The following P3H2 variants were observed in gnomAD, a reference collection of about 807,000 sequenced individuals.
P3H2 encodes prolyl 3-hydroxylase 2, also known as leprecan-like 1.
Under a neutral mutation model 87.0 loss-of-function variants are expected in P3H2, and 80 were observed. The observed-to-expected ratio is 0.92, with a 90% CI of 0.77 to 1.11. P3H2 has a LOEUF of 1.11. Ranked by LOEUF, P3H2 falls within the 50% of genes least tolerant of loss-of-function variation. The probability of loss-of-function intolerance (pLI) is 0.00; values close to 1 mark genes in which losing one functional copy is unlikely to be tolerated. For missense variants in P3H2, 1,001 were observed against 923.9 expected (o/e 1.08, Z -1.08); for synonymous variants, 367 against 359.3 (o/e 1.02, Z -0.24).
Position 189,957,663 on chromosome 3 carries a change from T to C in P3H2, c.*249A>G. ...TCACATCTGTGAATAGCCACTGCCC[T>C]ATATCCTAGACAACATGGTTAGACC... On this transcript the variant is annotated 3_prime_UTR_variant, in exon 15 of 15. Coordinates refer to ENST00000319332, the MANE Select transcript of P3H2 (RefSeq NM_018192.4). 2 of 537,948 alleles carry C rather than the reference T, an allele frequency of 3.7e-6. No homozygotes were observed. Among genetic ancestry groups the C allele is most frequent in the Non-Finnish European group, 6.6e-6 (2 of 301,596 alleles). 33.3% of individuals were successfully genotyped at this position (537,948 alleles called of 1,614,324 possible).
At chr3:190,017,494 G>T (rs1458338609) in intron 1 of P3H2, among the ~76,000 whole-genome samples, 1 of 152,190 alleles carries the variant, frequency 6.6e-6, no homozygotes, top group Admixed American at 6.5e-5. Context: ...AAATATATTT[G>T]ACTCCTGACA....
At chr3:190,099,257 C>A (rs1711535922) in intron 1 of P3H2, among the ~76,000 whole-genome samples, 1 of 152,144 alleles carries the variant, frequency 6.6e-6, no homozygotes, top group South Asian at 2.1e-4. Flanking sequence ...AAACTTCTGG[C>A]AAAACTTCAT....
chr3:190,016,131 T>A (rs1335293284), intron 1 of P3H2, among the ~76,000 whole-genome samples: 1 of 152,270 alleles, frequency 6.6e-6, no homozygotes, highest in African/African-American at 2.4e-5. Flanking sequence ...ATATCACTGA[T>A]GGGATTTTCC....
intron 1 of P3H2, among the ~76,000 whole-genome samples, chr3:190,075,928 C>CT (rs1386851551): frequency 2.0e-5 from 3 of 152,100 alleles, no homozygotes; most frequent in Non-Finnish European, 4.4e-5. Flanking sequence ...ACAACTAACA[C>CT]TTTTTTCTGC....
At chr3:189,968,869 G>A (rs1723082553) in intron 13 of P3H2, among the ~76,000 whole-genome samples, 1 of 152,114 alleles carries the variant, frequency 6.6e-6, no homozygotes, top group Non-Finnish European at 1.5e-5. Context: ...TTTTTCATAT[G>A]TTTGTTGGCC....
chr3:189,994,305 AAAACAAACAAACAAAC>A (rs3836444), intron 2 of P3H2, 22 bp from the exon 3 acceptor site: 1 of 1,221,858 alleles, frequency 8.2e-7, no homozygotes, highest in Non-Finnish European at 1.2e-6. Context: ...CAGACGGGAA[AAAACAAACAAACAAAC>A]AAACAAACAA....
At chr3:190,024,890 C>A (rs28548421) in intron 1 of P3H2, among the ~76,000 whole-genome samples, 2,588 of 152,174 alleles carry the variant, frequency 0.017, 82 homozygotes, top group African/African-American at 0.06. Context: ...TAAATGGAAA[C>A]CCTTCTCCAC....
chr3:189,972,587 A>G (rs533720937), intron 11 of P3H2, among the ~76,000 whole-genome samples: 1 of 152,296 alleles, frequency 6.6e-6, no homozygotes, highest in East Asian at 1.9e-4. Flanking sequence ...GATTCCTCAA[A>G]ATGGGAAACC....
At chr3:189,987,732 G>A (rs1723751782) in intron 4 of P3H2, 63 bp from the exon 5 acceptor site, 2 of 1,604,870 alleles carry the variant, frequency 1.2e-6, no homozygotes. Flanking sequence ...ATTTTAAAGG[G>A]AGGCCATCAA....
chr3:190,102,537 TGTTA>T (rs1305434773), intron 1 of P3H2, among the ~76,000 whole-genome samples: 1 of 152,240 alleles, frequency 6.6e-6, no homozygotes. Flanking sequence ...GAGCCTGAGA[TGTTA>T]GTTAATTACT....
intron 1 of P3H2, among the ~76,000 whole-genome samples, chr3:190,038,231 G>T (rs1725485649): frequency 1.4e-5 from 1 of 69,504 alleles, no homozygotes; most frequent in South Asian, 6.1e-4. Context: ...GCAAGACTAG[G>T]TTTAAAAAAA....
chr3:190,027,418 G>A (rs764728936), intron 1 of P3H2, among the ~76,000 whole-genome samples: 18 of 152,144 alleles, frequency 1.2e-4, no homozygotes, highest in Non-Finnish European at 1.5e-4. Context: ...CTTAACCCAC[G>A]TGAGGGACAG....
chr3:190,120,619 G>T lies in P3H2; in HGVS notation c.113C>A (p.Pro38His). The change falls in exon 1 of 15, where the codon CCC (proline) becomes CAC (histidine). Residue 38 changes from proline to histidine, a missense_variant. Transcript: ENST00000319332. Reference sequence around the variant, plus strand: ...CAGGTCGAAGGGCTGCAGAGGCCCGGGCTCCAGCTCCAGCTCCCGGCGTGG... The same window carrying T: ...CAGGTCGAAGGGCTGCAGAGGCCCGTGCTCCAGCTCCAGCTCCCGGCGTGG... ...DSPRRELELE[P>H]GPLQPFDLLY... 6.5e-7 allele frequency: 1 copy of T among 1,537,840 alleles called. No homozygotes were observed.
chr3:189,963,465 GAC>G (rs915207681), intron 14 of P3H2: 1 of 157,326 alleles, frequency 6.4e-6, no homozygotes, highest in African/African-American at 2.4e-5. Flanking sequence ...TTTGTTTTGA[GAC>G]AGAGTCTTGC....
chr3:189,993,820 CATTA>C (rs1181735649), intron 3 of P3H2, among the ~76,000 whole-genome samples: 3 of 151,798 alleles, frequency 2.0e-5, no homozygotes, highest in African/African-American at 7.3e-5. Flanking sequence ...AGTTGAAAAA[CATTA>C]TATATAGTAT....
At chr3:189,958,100 A>G in intron 14 of P3H2, 96 bp from the exon 15 acceptor site, 2 of 846,778 alleles carry the variant, frequency 2.4e-6, no homozygotes, top group Non-Finnish European at 2.0e-6. Flanking sequence ...CCATCTGTAC[A>G]TGGGTTGATG....
chr3:190,060,669 C>T (rs1377800024), intron 1 of P3H2, among the ~76,000 whole-genome samples: 1 of 152,120 alleles, frequency 6.6e-6, no homozygotes, highest in Admixed American at 6.6e-5. Context: ...TGAAGTGTAT[C>T]TCCAAGGGAA....
At chr3:190,105,734 T>C (rs1194393296) in intron 1 of P3H2, among the ~76,000 whole-genome samples, 1 of 152,230 alleles carries the variant, frequency 6.6e-6, no homozygotes, top group Non-Finnish European at 1.5e-5. Flanking sequence ...TGGCTTGCTG[T>C]ACCAATCCAC....
chr3:190,084,828 C>T (rs532363978), intron 1 of P3H2, among the ~76,000 whole-genome samples: 2 of 151,958 alleles, frequency 1.3e-5, no homozygotes, highest in Non-Finnish European at 2.9e-5. Flanking sequence ...ACCTGTGGAA[C>T]AGACTTAATA....
Sources: allele counts gnomAD v4.1 joint callset (sites outside exome capture counted in the v4.1 genomes callset), GRCh38; gene constraint gnomAD v4.1.1; transcripts MANE v1.5; gene names NCBI Gene and HGNC (gene_info 2026-07-23, HGNC 2026-07-21).